The following SPATA16 variants were observed in gnomAD, a reference collection of about 807,000 sequenced individuals.
SPATA16 encodes the protein spermatogenesis associated 16.
Under a neutral mutation model 63.3 loss-of-function variants are expected in SPATA16, and 36 were observed. The observed-to-expected ratio is 0.57, with a 90% confidence interval of 0.44 to 0.75. The LOEUF (loss-of-function observed/expected upper bound fraction) is 0.75, where lower values mean the gene tolerates loss of function less well. Among genes scored for constraint, SPATA16 ranks in the 30% least tolerant of loss-of-function variants. The pLI, the probability that SPATA16 is intolerant of heterozygous loss-of-function variation, is 0.00. For synonymous variants in SPATA16, 203 were observed against 216.7 expected (o/e 0.94, Z 0.56); for missense variants, 646 against 679.3 (o/e 0.95, Z 0.54).
At chr3:172,997,006 T>C (rs1260863766) in intron 4 of SPATA16, among the ~76,000 whole-genome samples, 1 of 152,152 alleles carries the variant, frequency 6.6e-6, no homozygotes, top group Non-Finnish European at 1.5e-5. Context: ...ATTGTCTAGA[T>C]GTTCCAAGAA....
chr3:172,963,621 C>T (rs1184106684), intron 5 of SPATA16, among the ~76,000 whole-genome samples: 1 of 152,040 alleles, frequency 6.6e-6, no homozygotes, highest in Non-Finnish European at 1.5e-5. Flanking sequence ...ATATGTGATG[C>T]ATCCATTAAC....
At chr3:173,134,128 C>A (rs1738464610) in intron 1 of SPATA16, among the ~76,000 whole-genome samples, 1 of 152,124 alleles carries the variant, frequency 6.6e-6, no homozygotes, top group African/African-American at 2.4e-5. Flanking sequence ...ATAAATTACA[C>A]CACCTGAAAA....
chr3:172,990,313 T>C (rs1400377039), intron 4 of SPATA16, among the ~76,000 whole-genome samples: 21 of 152,166 alleles, frequency 1.4e-4, no homozygotes, highest in Non-Finnish European at 1.9e-4. Flanking sequence ...GAATAAATAT[T>C]TGCTAAGTGA....
chr3:173,023,941 A>G (rs1185063034), intron 3 of SPATA16, among the ~76,000 whole-genome samples: 1 of 150,660 alleles, frequency 6.6e-6, no homozygotes, highest in Non-Finnish European at 1.5e-5. Context: ...ATATAAATAT[A>G]TTACTATGAA....
chr3:172,978,138 C>CCTCTCTCT (rs71162321), intron 4 of SPATA16, among the ~76,000 whole-genome samples: 1 of 148,288 alleles, frequency 6.7e-6, no homozygotes, highest in Non-Finnish European at 1.5e-5. Context: ...TCTCTCTCTC[C>CCTCTCTCT]CTCTCTCTCT....
chr3:172,998,624 T>G (rs1734743679), intron 4 of SPATA16, among the ~76,000 whole-genome samples: 1 of 152,198 alleles, frequency 6.6e-6, no homozygotes, highest in Non-Finnish European at 1.5e-5. Context: ...CTTCTGATCT[T>G]AGTGAGAAAG....
chr3:173,109,340 G>C (rs184174343), intron 2 of SPATA16, among the ~76,000 whole-genome samples: 3 of 152,266 alleles, frequency 2.0e-5, no homozygotes, highest in Non-Finnish European at 4.4e-5. Flanking sequence ...TTTTGTGTGG[G>C]AAAGGGAGGG....
chr3:173,034,627 T>A (rs1735675221), intron 3 of SPATA16, among the ~76,000 whole-genome samples: 1 of 152,166 alleles, frequency 6.6e-6, no homozygotes, highest in African/African-American at 2.4e-5. Flanking sequence ...CTGATTTTCC[T>A]TTGCTAAATT....
chr3:172,956,879 G>A, intron 5 of SPATA16, 55 bp from the exon 6 acceptor site: 1 of 1,593,398 alleles, frequency 6.3e-7, no homozygotes, highest in Admixed American at 1.7e-5. Flanking sequence ...GACTTTTTAA[G>A]AATGTAAAAA....
At chr3:172,932,277 A>G (rs1732888755) in intron 6 of SPATA16, among the ~76,000 whole-genome samples, 1 of 152,220 alleles carries the variant, frequency 6.6e-6, no homozygotes, top group South Asian at 2.1e-4. Flanking sequence ...TTTTAGAAAG[A>G]TGCAGATTTG....
At chr3:173,025,073 C>T (rs535089972) in intron 3 of SPATA16, among the ~76,000 whole-genome samples, 1 of 150,884 alleles carries the variant, frequency 6.6e-6, no homozygotes, top group South Asian at 2.1e-4. Flanking sequence ...ATAACTTTTA[C>T]TGTTAATTTC....
In SPATA16 at chr3:172,893,008, A is replaced by T. The variant is rs962864457; in HGVS notation, c.1588-3316T>A. Among the ~76,000 whole-genome samples, 9 of 152,220 alleles carry T rather than the reference A, an allele frequency of 5.9e-5. No individual in the cohort carries two copies. The East Asian group carries it at 1.5e-3, about 26-fold the overall frequency. Reference sequence around the variant, plus strand: ...ATGATTGAGGGGAATGAAATATCTCAGTAGGAGGGCAGGTTCTGACCCATC... The same window carrying T: ...ATGATTGAGGGGAATGAAATATCTCTGTAGGAGGGCAGGTTCTGACCCATC... On this transcript the variant is annotated intron_variant, in intron 10 of 10. Coordinates refer to ENST00000351008, the MANE Select transcript of SPATA16 (RefSeq NM_031955.6).
chr3:172,961,076 T>TTCTTCCTTTCTTCCTG (rs1560080379), intron 5 of SPATA16, among the ~76,000 whole-genome samples: 1 of 133,526 alleles, frequency 7.5e-6, no homozygotes, highest in African/African-American at 3.1e-5. Context: ...CTTTCTTCCT[T>TTCTTCCTTTCTTCCTG]CCTTCCTTCC....
chr3:172,985,152 G>A (rs1734417449), intron 4 of SPATA16, among the ~76,000 whole-genome samples: 1 of 152,140 alleles, frequency 6.6e-6, no homozygotes, highest in Non-Finnish European at 1.5e-5. Flanking sequence ...CCCCATGCAT[G>A]CTTGTCTCAC....
intron 4 of SPATA16, among the ~76,000 whole-genome samples, chr3:173,007,688 T>C (rs1249961924): frequency 1.3e-5 from 2 of 152,168 alleles, no homozygotes; most frequent in African/African-American, 4.8e-5. Context: ...AATAAGAGTA[T>C]TACAAAATGA....
intron 4 of SPATA16, among the ~76,000 whole-genome samples, chr3:173,017,903 T>TA (rs772360069): frequency 2.4e-4 from 37 of 152,328 alleles, no homozygotes; most frequent in Non-Finnish European, 4.6e-4. Context: ...GAAGGACACT[T>TA]ACTATCATCT....
intron 2 of SPATA16, among the ~76,000 whole-genome samples, chr3:173,113,325 G>A (rs1161177990): frequency 6.6e-6 from 1 of 152,162 alleles, no homozygotes; most frequent in East Asian, 1.9e-4. Flanking sequence ...TTAGCTTCTG[G>A]TGTGAATACA....
chr3:173,030,423 T>C (rs947458094), intron 3 of SPATA16, among the ~76,000 whole-genome samples: 4 of 151,986 alleles, frequency 2.6e-5, no homozygotes, highest in Non-Finnish European at 4.4e-5. Context: ...CAAAGAACTT[T>C]AATAGACATT....
intron 3 of SPATA16, among the ~76,000 whole-genome samples, chr3:173,045,936 T>G (rs921998715): frequency 3.3e-5 from 5 of 152,112 alleles, no homozygotes; most frequent in Admixed American, 1.3e-4. Flanking sequence ...GGATTTTTCT[T>G]ACATATTTGG....
Sources: allele counts gnomAD v4.1 joint callset (sites outside exome capture counted in the v4.1 genomes callset), GRCh38; gene constraint gnomAD v4.1.1; transcripts MANE v1.5; gene names NCBI Gene and HGNC (gene_info 2026-07-23, HGNC 2026-07-21).